The following NTM variants were observed in gnomAD, a reference collection of about 807,000 sequenced individuals.
NTM encodes the protein IgLON family member 2.
Under a neutral mutation model 42.1 loss-of-function variants are expected in NTM, and 13 were observed. That is an observed-to-expected ratio of 0.31 (90% CI 0.20 to 0.49). NTM has a LOEUF of 0.49. NTM is among the 20% of genes least tolerant of loss of function. NTM has a pLI of 0.99. For missense variants in NTM, 373 were observed against 452.8 expected (o/e 0.82, Z 1.60); for synonymous variants, 187 against 179.2 (o/e 1.04, Z -0.35).
At chr11:131,867,176 G>A (rs996575680) in intron 1 of NTM, among the ~76,000 whole-genome samples, 3 of 152,224 alleles carry the variant, frequency 2.0e-5, no homozygotes, top group Non-Finnish European at 4.4e-5. Context: ...TGCTATTTAC[G>A]CTTTGTGCAG....
At chr11:131,628,721 A>G (rs967723351) in intron 1 of NTM, among the ~76,000 whole-genome samples, 1 of 152,214 alleles carries the variant, frequency 6.6e-6, no homozygotes, top group South Asian at 2.1e-4. Flanking sequence ...ACCAAGGGAC[A>G]CCTGAGTTGA....
chr11:131,592,264 C>T (rs909178255), intron 1 of NTM, among the ~76,000 whole-genome samples: 1 of 152,166 alleles, frequency 6.6e-6, no homozygotes, highest in African/African-American at 2.4e-5. Flanking sequence ...CTGGAGTCCT[C>T]ACACTGCTAC....
At chr11:131,613,424 G>T (rs2061630031) in intron 1 of NTM, among the ~76,000 whole-genome samples, 1 of 152,160 alleles carries the variant, frequency 6.6e-6, no homozygotes. Flanking sequence ...CTGGTGCAAT[G>T]AGGAGGTTTC....
chr11:131,477,156 T>C (rs1953033922), intron 1 of NTM, among the ~76,000 whole-genome samples: 1 of 152,150 alleles, frequency 6.6e-6, no homozygotes, highest in South Asian at 2.1e-4. Flanking sequence ...TGATCCAAGA[T>C]GATCCATGTA....
Position 131,650,268 on chromosome 11 carries a change from C to A in NTM, c.83-261296C>A, listed in dbSNP as rs148281713. On this transcript the variant is annotated intron_variant, in intron 1 of 8. Coordinates refer to ENST00000683400, the MANE Select transcript of NTM (RefSeq NM_001352005.2). ...CCCCAGTGATTCTAAAAGCAATGCC[C>A]TCCTAAATTTGGGGGGTACATCCTC... Among the ~76,000 whole-genome samples the A allele has an allele frequency of 3.9e-5, 6 of 152,312 alleles. No individual in the cohort carries two copies. The East Asian group carries it at 1.2e-3, about 29-fold the overall frequency.
At chr11:131,589,028 G>A (rs1360332093) in intron 1 of NTM, among the ~76,000 whole-genome samples, 2 of 152,202 alleles carry the variant, frequency 1.3e-5, no homozygotes, top group Non-Finnish European at 2.9e-5. Context: ...AGCATGCTAG[G>A]GGAGAGGTTG....
chr11:131,641,477 C>G (rs1316700135), intron 1 of NTM, among the ~76,000 whole-genome samples: 2 of 152,178 alleles, frequency 1.3e-5, no homozygotes, highest in Non-Finnish European at 2.9e-5. Flanking sequence ...TACGAAGCCT[C>G]TCTGAGACCT....
intron 1 of NTM, among the ~76,000 whole-genome samples, chr11:131,401,635 C>A (rs1945144084): frequency 6.6e-6 from 1 of 150,902 alleles, no homozygotes; most frequent in Non-Finnish European, 1.5e-5. Context: ...TGCCCCTCTA[C>A]TCTCTGAAGA....
chr11:131,529,341 C>A (rs146316332), intron 1 of NTM, among the ~76,000 whole-genome samples: 15 of 152,248 alleles, frequency 9.9e-5, no homozygotes, highest in African/African-American at 3.6e-4. Context: ...TGAGTGGAAC[C>A]CTTAGGTTGT....
At chr11:131,831,688 TA>T (rs2042836361) in intron 1 of NTM, among the ~76,000 whole-genome samples, 1 of 152,134 alleles carries the variant, frequency 6.6e-6, no homozygotes, top group Admixed American at 6.5e-5. Flanking sequence ...AACCACTCCA[TA>T]AATTCTAGGG....
At chr11:131,774,616 T>C (rs956118648) in intron 1 of NTM, among the ~76,000 whole-genome samples, 1 of 152,202 alleles carries the variant, frequency 6.6e-6, no homozygotes, top group African/African-American at 2.4e-5. Flanking sequence ...TCTCCTTGTT[T>C]TAGGCAATTG....
At chr11:132,315,549 T>A (rs2095406632) in intron 7 of NTM, among the ~76,000 whole-genome samples, 1 of 152,198 alleles carries the variant, frequency 6.6e-6, no homozygotes, top group Non-Finnish European at 1.5e-5. Context: ...CAATCCCTCA[T>A]GTTAACAAGC....
At chr11:131,534,759 G>GT (rs1351338102) in intron 1 of NTM, 1 of 152,224 alleles carries the variant, frequency 6.6e-6, no homozygotes, top group African/African-American at 2.4e-5. Flanking sequence ...TGCTGAAGTG[G>GT]TTGTACTGTG....
At chr11:131,997,351 G>A (rs2068250702) in intron 2 of NTM, among the ~76,000 whole-genome samples, 1 of 152,200 alleles carries the variant, frequency 6.6e-6, no homozygotes. Flanking sequence ...TCTGCAGGAT[G>A]ACTCTGGCTT....
intron 4 of NTM, among the ~76,000 whole-genome samples, chr11:132,252,107 C>G (rs1387190273): frequency 6.6e-6 from 1 of 152,162 alleles, no homozygotes; most frequent in African/African-American, 2.4e-5. Flanking sequence ...CCTACCTCTC[C>G]TTTTCCCTCC....
At chr11:132,100,454 G>A (rs1352522790) in intron 2 of NTM, among the ~76,000 whole-genome samples, 1 of 152,190 alleles carries the variant, frequency 6.6e-6, no homozygotes, top group Non-Finnish European at 1.5e-5. Context: ...TTTGCATTAT[G>A]CAAGCCCCCT....
chr11:131,564,945 C>T (rs1028402565), intron 1 of NTM, among the ~76,000 whole-genome samples: 8 of 152,250 alleles, frequency 5.3e-5, no homozygotes, highest in Admixed American at 4.6e-4. Context: ...ACTGCCCAGG[C>T]CGCAAAGCCC....
intron 1 of NTM, among the ~76,000 whole-genome samples, chr11:131,381,551 C>T (rs1019976603): frequency 3.3e-5 from 5 of 151,696 alleles, no homozygotes; most frequent in African/African-American, 9.7e-5. Context: ...ATTTTTTTTC[C>T]GTTATTTTTT....
intron 1 of NTM, among the ~76,000 whole-genome samples, chr11:131,636,427 C>A (rs1465865568): frequency 6.6e-6 from 1 of 152,218 alleles, no homozygotes; most frequent in Non-Finnish European, 1.5e-5. Flanking sequence ...ACCAAATGAG[C>A]TCTCCCTATC....
Sources: allele counts gnomAD v4.1 joint callset (sites outside exome capture counted in the v4.1 genomes callset), GRCh38; gene constraint gnomAD v4.1.1; transcripts MANE v1.5; gene names NCBI Gene and HGNC (gene_info 2026-07-23, HGNC 2026-07-21).